The following INPP5A variants were observed in gnomAD, a reference collection of about 807,000 sequenced individuals.
INPP5A encodes 43 kDa inositol polyphosphate 5-phophatase.
In INPP5A, 14 loss-of-function variants were observed where a neutral mutation model predicts 65.2. The observed-to-expected ratio is 0.21, with a 90% CI of 0.14 to 0.34. The LOEUF (loss-of-function observed/expected upper bound fraction) is 0.34, where lower values mean the gene tolerates loss of function less well. Among genes scored for constraint, INPP5A ranks in the 10% least tolerant of loss-of-function variants. The pLI is 1.00. For missense variants in INPP5A, 431 were observed against 545.6 expected, an observed-to-expected ratio of 0.79 and a Z score of 2.09; for synonymous variants, 207 against 208.3, an observed-to-expected ratio of 0.99 and a Z score of 0.05.
chr10:132,664,869 T>C (rs1458205270), intron 4 of INPP5A, among the ~76,000 whole-genome samples: 2 of 152,212 alleles, frequency 1.3e-5, no homozygotes, highest in South Asian at 2.1e-4. Context: ...GGGCAGCGTT[T>C]AGTGCATCCC....
At chr10:132,682,770 A>C (rs1395657602) in intron 4 of INPP5A, among the ~76,000 whole-genome samples, 2 of 151,536 alleles carry the variant, frequency 1.3e-5, no homozygotes, top group African/African-American at 2.4e-5. Flanking sequence ...TGTATTATAT[A>C]CATATGCACT....
chr10:132,588,120 C>A (rs2071571098), intron 1 of INPP5A, among the ~76,000 whole-genome samples: 1 of 151,788 alleles, frequency 6.6e-6, no homozygotes, highest in Non-Finnish European at 1.5e-5. Flanking sequence ...AGTTTGCTAG[C>A]AGACATCTTT....
chr10:132,726,242 A>C (rs1433583554), intron 8 of INPP5A, among the ~76,000 whole-genome samples: 1 of 152,176 alleles, frequency 6.6e-6, no homozygotes, highest in Non-Finnish European at 1.5e-5. Context: ...TCACTTTGAA[A>C]CGTCCGAGTG....
chr10:132,757,303 C>T (rs912095674), intron 11 of INPP5A, among the ~76,000 whole-genome samples: 9 of 152,266 alleles, frequency 5.9e-5, no homozygotes, highest in Admixed American at 3.3e-4. Context: ...ACCCCGAGCC[C>T]GTCCCAGCCC....
chr10:132,756,938 C>A (rs1342371892), intron 11 of INPP5A, among the ~76,000 whole-genome samples: 1 of 151,902 alleles, frequency 6.6e-6, no homozygotes, highest in African/African-American at 2.4e-5. Flanking sequence ...TCATTGTTAT[C>A]AAAAAATGTT....
chr10:132,649,597 A>G (rs1564948939), intron 3 of INPP5A, among the ~76,000 whole-genome samples: 2 of 151,802 alleles, frequency 1.3e-5, no homozygotes, highest in Non-Finnish European at 2.9e-5. Flanking sequence ...GTGCAGTTTT[A>G]TTTTCTTCAA....
intron 2 of INPP5A, among the ~76,000 whole-genome samples, chr10:132,625,148 C>A (rs1002491269): frequency 7.2e-6 from 1 of 139,514 alleles, no homozygotes; most frequent in Non-Finnish European, 1.5e-5. Context: ...TTCCCTCCCT[C>A]CAGCTGGCCT....
At chr10:132,742,598 T>G (rs1846294548) in intron 9 of INPP5A, among the ~76,000 whole-genome samples, 1 of 152,212 alleles carries the variant, frequency 6.6e-6, no homozygotes, top group African/African-American at 2.4e-5. Context: ...GCTGTTTTAG[T>G]CATTGCTGTT....
rs892381903 is a variant in INPP5A, at chr10:132,550,106, G to A, written c.75+11935G>A. On this transcript the variant is annotated intron_variant, in intron 1 of 15. Coordinates refer to ENST00000368594, the MANE Select transcript of INPP5A (RefSeq NM_005539.5). This position sits in a 1 kb window ranked among gnomAD's most constrained non-coding sequence, Gnocchi z 4.2. ...TGGGGTCAGCCTCGAGTTACTAACC[G>A]GGCATTAGGGGATGGGGTCAGGCTC... 1.1e-4 allele frequency among the ~76,000 whole-genome samples: 16 copies of A among 148,778 alleles called. No homozygotes were observed. The highest frequency in any genetic ancestry group is 4.0e-4 in the African/African-American group (16 of 40,432).
At chr10:132,541,951 T>C (rs934723166) in intron 1 of INPP5A, among the ~76,000 whole-genome samples, 1 of 152,210 alleles carries the variant, frequency 6.6e-6, no homozygotes, top group Non-Finnish European at 1.5e-5. Flanking sequence ...TCACTACTGG[T>C]TTGCTTGGAA....
intron 1 of INPP5A, among the ~76,000 whole-genome samples, chr10:132,548,448 G>A (rs973425479): frequency 1.3e-5 from 2 of 152,208 alleles, no homozygotes; most frequent in African/African-American, 2.4e-5. Flanking sequence ...GGTGTTCCGA[G>A]ATCTGGTTGG....
intron 1 of INPP5A, among the ~76,000 whole-genome samples, chr10:132,595,893 GTT>G (rs34485149): frequency 0.24 from 34,893 of 147,860 alleles, 4,767 homozygotes; most frequent in East Asian, 0.47. Context: ...AAAGTAATGA[GTT>G]TTTTTTTTTT....
At chr10:132,598,877 G>A (rs1316586498) in intron 1 of INPP5A, among the ~76,000 whole-genome samples, 1 of 152,208 alleles carries the variant, frequency 6.6e-6, no homozygotes, top group Admixed American at 6.5e-5. Flanking sequence ...TGAGAGAGAA[G>A]TAAAAGCGGA....
chr10:132,755,799 G>T (rs1337111011), intron 11 of INPP5A, among the ~76,000 whole-genome samples: 1 of 152,152 alleles, frequency 6.6e-6, no homozygotes, highest in African/African-American at 2.4e-5. Context: ...CCCAGAGGAG[G>T]CTCCAGGGGC....
chr10:132,767,163 C>T (rs1416763655), intron 12 of INPP5A, among the ~76,000 whole-genome samples: 4 of 79,556 alleles, frequency 5.0e-5, no homozygotes, highest in South Asian at 5.3e-4. Flanking sequence ...GGGTGGGAGC[C>T]GGAGGATGCG....
At chr10:132,721,701 G>T (rs985315642) in intron 8 of INPP5A, among the ~76,000 whole-genome samples, 5 of 141,122 alleles carry the variant, frequency 3.5e-5, no homozygotes, top group African/African-American at 1.5e-4. Flanking sequence ...GTTCTGTGGT[G>T]CCTGGGTTCT....
rs142071347 is a variant in INPP5A at position 132,649,742 on chromosome 10, G to A, written c.219-676G>A. Among the ~76,000 whole-genome samples, 708 of 152,268 alleles carry A rather than the reference G, an allele frequency of 4.6e-3. 4 individuals are homozygous for A. Among genetic ancestry groups the A allele is most frequent in the African/African-American group, 0.016 (671 of 41,558 alleles). Reference sequence around the variant, plus strand: ...GTCTCTGTGGAGGGGCCAGGCAGACGGGGCCTCGTCCTCCGTTCATGGGCT... The same window carrying A: ...GTCTCTGTGGAGGGGCCAGGCAGACAGGGCCTCGTCCTCCGTTCATGGGCT... On this transcript the variant is annotated intron_variant, in intron 3 of 15. Coordinates refer to ENST00000368594, the MANE Select transcript of INPP5A (RefSeq NM_005539.5).
chr10:132,741,776 C>T lies in INPP5A; in HGVS notation c.733-7741C>T, dbSNP rs111265579. 0.08 allele frequency among the ~76,000 whole-genome samples: 2,422 copies of T among 30,178 alleles called. 75 individuals carry two copies. Among genetic ancestry groups the T allele is most frequent in the African/African-American group, 0.14 (2,217 of 15,446 alleles). The allele number at this position is 30,178 out of a possible 152,430, so 19.8% of individuals were successfully genotyped here. ...GTAAACTGAGGTGGACGTCAGTGTC[C>T]GCGTCCGCTTGCTTTACTCAATAGC... On this transcript the variant is annotated intron_variant, in intron 9 of 15. Transcript: ENST00000368594. The surrounding 1 kb of genome is among the most constrained non-coding windows in gnomAD (Gnocchi z 4.4).
intron 2 of INPP5A, among the ~76,000 whole-genome samples, chr10:132,642,420 TG>T (rs1158353132): frequency 2.0e-5 from 3 of 152,198 alleles, no homozygotes; most frequent in Non-Finnish European, 4.4e-5. Context: ...GGGCCCCTGA[TG>T]TGGTGGCTAT....
Sources: gnomAD v4.1 joint callset for allele counts (sites outside exome capture counted in the v4.1 genomes callset) on GRCh38, gnomAD v4.1.1 for gene constraint, Gnocchi (gnomAD v3.1) non-coding constraint, MANE v1.5 for transcripts, NCBI Gene and HGNC (gene_info 2026-07-23, HGNC 2026-07-21) for gene names.